EYA1: variants seen among roughly 807,000 people sequenced by gnomAD.
EYA1 encodes the protein EYA transcriptional coactivator and phosphatase 1.
In EYA1, 16 loss-of-function variants were observed where a neutral mutation model predicts 82.0. The ratio of observed to expected loss-of-function variants is 0.20; its 90% confidence interval spans 0.13 to 0.30. The LOEUF is 0.30. EYA1 is among the 10% of genes least tolerant of loss of function. The pLI, the probability that EYA1 is intolerant of heterozygous loss-of-function variation, is 1.00. For synonymous variants in EYA1, 261 were observed against 264.4 expected (o/e 0.99, Z 0.12); for missense variants, 633 against 730.7 (o/e 0.87, Z 1.54).
At chr8:71,471,749 C>A (rs184370633) in intron 2 of EYA1, among the ~76,000 whole-genome samples, 198 of 152,054 alleles carry the variant, frequency 1.3e-3, no homozygotes, top group Non-Finnish European at 1.3e-3. Flanking sequence ...GGCTAGATGT[C>A]AGGGAAGGAT....
At chr8:71,505,888 A>G (rs1206585635) in intron 2 of EYA1, among the ~76,000 whole-genome samples, 1 of 152,150 alleles carries the variant, frequency 6.6e-6, no homozygotes, top group East Asian at 1.9e-4. Flanking sequence ...AGGTGATTAG[A>G]TAATGGGGGT....
At chr8:71,281,360 C>T (rs1817798611) in intron 9 of EYA1, among the ~76,000 whole-genome samples, 1 of 152,248 alleles carries the variant, frequency 6.6e-6, no homozygotes, top group Non-Finnish European at 1.5e-5. Flanking sequence ...TCTCCTCCTA[C>T]AGCAGGGATT....
chr8:71,302,313 A>G lies in EYA1; in HGVS notation c.557-2593T>C, dbSNP rs1025041304. Reference sequence around the variant, plus strand: ...TTTTTAAAATGGATGTTTTCATTCTATAAGTTATCCCCTGAAATGAAGTAG... The same window carrying G: ...TTTTTAAAATGGATGTTTTCATTCTGTAAGTTATCCCCTGAAATGAAGTAG... On this transcript the variant is annotated intron_variant, in intron 7 of 17. Transcript: ENST00000340726. Among the ~76,000 whole-genome samples, 13 of 152,328 alleles carry G rather than the reference A, an allele frequency of 8.5e-5. 1 individual carries two copies. The highest frequency in any genetic ancestry group is 2.6e-4 in the African/African-American group (11 of 41,584).
chr8:71,231,462 A>G (rs1028466498), intron 12 of EYA1, among the ~76,000 whole-genome samples: 6 of 152,156 alleles, frequency 3.9e-5, no homozygotes, highest in Non-Finnish European at 7.3e-5. Flanking sequence ...CTCAAGCTCA[A>G]TGTTTCTTCC....
At chr8:71,448,482 C>T (rs930207721) in intron 2 of EYA1, among the ~76,000 whole-genome samples, 3 of 137,868 alleles carry the variant, frequency 2.2e-5, no homozygotes, top group African/African-American at 1.1e-4. Context: ...GTTACTTCCT[C>T]CCCTGAAGTC....
At chr8:71,242,611 CTCTA>C (rs1368563398) in intron 12 of EYA1, among the ~76,000 whole-genome samples, 2 of 152,038 alleles carry the variant, frequency 1.3e-5, no homozygotes, top group Non-Finnish European at 2.9e-5. Context: ...GTATTTCAGT[CTCTA>C]TATAATCAGT....
intron 3 of EYA1, among the ~76,000 whole-genome samples, chr8:71,345,895 C>T (rs1238693236): frequency 1.3e-5 from 2 of 152,122 alleles, no homozygotes; most frequent in African/African-American, 2.4e-5. Context: ...ACAGTTGAAT[C>T]TAAATTCTTG....
chr8:71,544,193 A>G (rs1287551590), intron 1 of EYA1, among the ~76,000 whole-genome samples: 2 of 152,266 alleles, frequency 1.3e-5, no homozygotes, highest in Non-Finnish European at 2.9e-5. Flanking sequence ...GAAAGGTTCA[A>G]GAAATCGGTC....
At chr8:71,481,763 G>A (rs986793198) in intron 2 of EYA1, among the ~76,000 whole-genome samples, 1 of 152,134 alleles carries the variant, frequency 6.6e-6, no homozygotes, top group African/African-American at 2.4e-5. Flanking sequence ...AGCAGCAGTT[G>A]CTATATGGGA....
At chr8:71,202,658 T>C (rs2128810046) in intron 17 of EYA1, among the ~76,000 whole-genome samples, 1 of 152,296 alleles carries the variant, frequency 6.6e-6, no homozygotes, top group East Asian at 1.9e-4. Context: ...ATGAAAACTT[T>C]GCAAATCTTA....
chr8:71,436,336 C>T (rs755613245), intron 2 of EYA1, among the ~76,000 whole-genome samples: 4 of 152,064 alleles, frequency 2.6e-5, no homozygotes, highest in African/African-American at 9.7e-5. Flanking sequence ...AAGGAACATA[C>T]CCGAAGAGAG....
intron 2 of EYA1, among the ~76,000 whole-genome samples, chr8:71,392,736 T>C (rs1829351224): frequency 6.6e-6 from 1 of 152,230 alleles, no homozygotes; most frequent in African/African-American, 2.4e-5. Flanking sequence ...CATTCATTTC[T>C]TCTAAAATTT....
intron 2 of EYA1, among the ~76,000 whole-genome samples, chr8:71,392,431 A>G (rs1385910002): frequency 6.6e-6 from 1 of 152,164 alleles, no homozygotes; most frequent in African/African-American, 2.4e-5. Flanking sequence ...GCTTACTCCT[A>G]TATAAGTTGC....
chr8:71,346,431 A>AATATATAT (rs3066856), intron 3 of EYA1, among the ~76,000 whole-genome samples: 8,118 of 101,702 alleles, frequency 0.08, 432 homozygotes, highest in East Asian at 0.13. Context: ...TACTGCAGTG[A>AATATATAT]ATATATATAT....
At chr8:71,369,070 G>T (rs1383492832) in intron 2 of EYA1, among the ~76,000 whole-genome samples, 3 of 150,664 alleles carry the variant, frequency 2.0e-5, no homozygotes, top group Admixed American at 6.6e-5. Context: ...GGACGTGGTG[G>T]CATGCACCTG....
intron 9 of EYA1, among the ~76,000 whole-genome samples, chr8:71,276,200 C>T (rs557046050): frequency 1.5e-4 from 23 of 152,274 alleles, no homozygotes; most frequent in Non-Finnish European, 2.4e-4. Context: ...GAAGCAAATC[C>T]TTTGTTATCT....
chr8:71,312,351 G>A (rs1013751797), intron 7 of EYA1, among the ~76,000 whole-genome samples: 3 of 152,114 alleles, frequency 2.0e-5, no homozygotes, highest in South Asian at 2.1e-4. Flanking sequence ...GCCATTCTCC[G>A]TTTTGAGTAG....
chr8:71,294,632 A>G (rs1819402985), intron 9 of EYA1, among the ~76,000 whole-genome samples: 4 of 152,228 alleles, frequency 2.6e-5, no homozygotes, highest in Admixed American at 2.6e-4. Flanking sequence ...GCATATGGAT[A>G]GATTCAATAT....
chr8:71,217,567 CTCTT>C (rs763477023), intron 12 of EYA1, among the ~76,000 whole-genome samples: 25 of 150,196 alleles, frequency 1.7e-4, no homozygotes, highest in Admixed American at 2.6e-4. Flanking sequence ...TTTATCCTCC[CTCTT>C]TCTCTCTCTC....
Sources: gnomAD v4.1 joint callset for allele counts (sites outside exome capture counted in the v4.1 genomes callset) on GRCh38, gnomAD v4.1.1 for gene constraint, MANE v1.5 for transcripts, NCBI Gene and HGNC (gene_info 2026-07-23, HGNC 2026-07-21) for gene names.